SMTNL2: variants seen among roughly 807,000 people sequenced by gnomAD.
SMTNL2 encodes the protein smoothelin-like protein 2.
SMTNL2 carries 43 observed loss-of-function variants against 44.1 expected under a neutral mutation model. The ratio of observed to expected loss-of-function variants is 0.98; its 90% CI spans 0.76 to 1.26. The LOEUF is 1.26. Ranked by LOEUF, SMTNL2 falls within the 50% of genes most tolerant of loss-of-function variation. The pLI is 0.00. For missense variants in SMTNL2, 646 were observed against 670.2 expected (o/e 0.96, Z 0.40); for synonymous variants, 317 against 287.6 (o/e 1.10, Z -1.03).
At chr17:4,594,783 G>A (rs950206568) in intron 4 of SMTNL2, among the ~76,000 whole-genome samples, 1 of 151,992 alleles carries the variant, frequency 6.6e-6, no homozygotes. Flanking sequence ...AAACAAAGGG[G>A]GTCTTATCGC....
chr17:4,597,694 G>A (rs550151049), intron 7 of SMTNL2, among the ~76,000 whole-genome samples: 3 of 152,334 alleles, frequency 2.0e-5, no homozygotes, highest in South Asian at 2.1e-4. Flanking sequence ...GAGAGATGCC[G>A]TTGCTTGCAT....
chr17:4,606,080 GC>G (rs1205081812), intron 7 of SMTNL2, among the ~76,000 whole-genome samples: 1 of 152,118 alleles, frequency 6.6e-6, no homozygotes, highest in Non-Finnish European at 1.5e-5. Context: ...GAGGCAGAGG[GC>G]CCTGGGGGGC....
chr17:4,592,996 T>C lies in SMTNL2; in HGVS notation c.555T>C (p.Pro185=). 3.1e-6 allele frequency: 5 copies of C among 1,614,006 alleles called. No individual in the cohort carries two copies. Among genetic ancestry groups the C allele is most frequent in the Non-Finnish European group, 4.2e-6 (5 of 1,179,992 alleles). ...FSAPDPPRPR[P]VSLSLRLPHQ... ...CACCAGATCCCCCCAGGCCTCGTCC[T>C]GTGAGCCTCTCCTTGCGGCTGCCCC... Residue 185 remains proline, a synonymous_variant, in exon 3 of 8, where the codon CCT becomes CCC. Coordinates refer to ENST00000389313, the MANE Select transcript of SMTNL2 (RefSeq NM_001114974.2). This position sits in a 1 kb window ranked among gnomAD's most constrained non-coding sequence, Gnocchi z 4.5.
chr17:4,593,966 C>G, intron 4 of SMTNL2, 69 bp downstream of exon 4: 1 of 1,569,238 alleles, frequency 6.4e-7, no homozygotes, highest in Non-Finnish European at 8.8e-7. Flanking sequence ...GGACGCAGGC[C>G]GCCCAGGGTT....
rs746029642 is a variant in SMTNL2 at position 4,593,118 on chromosome 17, G to C, written c.677G>C (p.Gly226Ala). Residue 226 changes from glycine (G) to alanine (A), a missense_variant, in exon 3 of 8, where the codon GGC becomes GCC. Transcript: ENST00000389313. ...LSPMSAATLG[G>A]LNPSPSEVIT... Reference sequence around the variant, plus strand: ...CCCATGTCTGCTGCCACCCTGGGGGGCCTCAACCCAAGCCCCAGCGAGGTC... The same window carrying C: ...CCCATGTCTGCTGCCACCCTGGGGGCCCTCAACCCAAGCCCCAGCGAGGTC... 76 of 1,613,316 alleles carry C rather than the reference G, an allele frequency of 4.7e-5. No individual in the cohort carries two copies. Among genetic ancestry groups the C allele is most frequent in the Non-Finnish European group, 2.9e-5 (34 of 1,179,686 alleles).
intron 1 of SMTNL2, among the ~76,000 whole-genome samples, chr17:4,589,954 T>C (rs1203132176): frequency 6.9e-5 from 1 of 14,526 alleles, no homozygotes; most frequent in Non-Finnish European, 1.9e-4. Flanking sequence ...TTTTTTTTTT[T>C]TTTTTTTTTT....
At position 4,595,045 on chromosome 17, in the gene SMTNL2, A is replaced by G; in HGVS notation, c.807-100A>G. On this transcript the variant is annotated intron_variant, in intron 4 of 7. Coordinates refer to ENST00000389313, the MANE Select transcript of SMTNL2 (RefSeq NM_001114974.2). The surrounding 1 kb of genome is among the most constrained non-coding windows in gnomAD (Gnocchi z 5.1). ...CTTCTCTGAGCGCCCATCACGGTGC[A>G]GGCTGCCTTGTCCACACTCAGTGCA... The G allele has an allele frequency of 6.6e-7, 1 of 1,519,770 alleles. No homozygotes were observed. The highest frequency in any genetic ancestry group is 9.1e-7 in the Non-Finnish European group (1 of 1,103,322). 94.1% of individuals were successfully genotyped at this position (1,519,770 alleles called of 1,614,324 possible). A position where few individuals can be genotyped will look rare whatever the true frequency, so the allele number is the denominator to read the frequency against.
rs545509003 is a variant in SMTNL2, at chr17:4,606,027, T to C, written c.1260-1334T>C. Among the ~76,000 whole-genome samples the C allele has an allele frequency of 5.2e-4, 79 of 152,206 alleles. 1 individual carries two copies. The highest frequency in any genetic ancestry group is 3.0e-3 in the Admixed American group (46 of 15,298). Reference sequence around the variant, plus strand: ...AAAGGCCACAGTGTACACACGAGTCTAAACCAGTGAGCCAAAAGTGAAACC... The same window carrying C: ...AAAGGCCACAGTGTACACACGAGTCCAAACCAGTGAGCCAAAAGTGAAACC... On this transcript the variant is annotated intron_variant, in intron 7 of 7. Coordinates refer to ENST00000389313, the MANE Select transcript of SMTNL2 (RefSeq NM_001114974.2).
At chr17:4,599,064 C>T (rs1039456551) in intron 7 of SMTNL2, among the ~76,000 whole-genome samples, 11 of 152,162 alleles carry the variant, frequency 7.2e-5, no homozygotes, top group Non-Finnish European at 1.3e-4. Context: ...GATAGCTGCC[C>T]CTCTCTGGGG....
At chr17:4,597,404 C>T (rs573942851) in intron 7 of SMTNL2, 81 bp downstream of exon 7, 22 of 1,559,046 alleles carry the variant, frequency 1.4e-5, no homozygotes, top group South Asian at 2.4e-5. Flanking sequence ...GGCATGGGGG[C>T]GAGTGGGATG....
rs114244076 is a variant in SMTNL2, at chr17:4,595,837, C to G, written c.989+510C>G. ...AGCGACGGCTCCTCAGGCTCCAGCCCACCTTTGCATATTCAGCCAGTCCTC... is the reference window on the plus strand; with the variant it reads ...AGCGACGGCTCCTCAGGCTCCAGCCGACCTTTGCATATTCAGCCAGTCCTC... On this transcript the variant is annotated intron_variant, in intron 5 of 7. Coordinates refer to ENST00000389313, the MANE Select transcript of SMTNL2 (RefSeq NM_001114974.2). This position sits in a 1 kb window ranked among gnomAD's most constrained non-coding sequence, Gnocchi z 5.1. Among the ~76,000 whole-genome samples, 2,719 of 152,354 alleles carry G rather than the reference C, an allele frequency of 0.018. 78 individuals carry two copies. Among genetic ancestry groups the G allele is most frequent in the African/African-American group, 0.059 (2,434 of 41,580 alleles).
chr17:4,597,041 C>A (rs1481182915), intron 6 of SMTNL2, 64 bp downstream of exon 6: 68 of 1,486,886 alleles, frequency 4.6e-5, no homozygotes, highest in Non-Finnish European at 6.1e-5. Flanking sequence ...AAGCGTCGCC[C>A]CTGTCCTTGT....
rs2150520548 is a variant in SMTNL2 at position 4,592,050 on chromosome 17, G to T, written c.400-311G>T. Among the ~76,000 whole-genome samples the T allele has an allele frequency of 1.3e-5, 2 of 152,312 alleles. No homozygotes were observed. Among genetic ancestry groups the T allele is most frequent in the Middle Eastern group, 6.8e-3 (2 of 294 alleles). On this transcript the variant is annotated intron_variant, in intron 1 of 7. Coordinates refer to ENST00000389313, the MANE Select transcript of SMTNL2 (RefSeq NM_001114974.2). The surrounding 1 kb of genome is among the most constrained non-coding windows in gnomAD (Gnocchi z 4.5). ...CTGACCCCATCATCTGGTCCAGCCT[G>T]GGGGAAAAGGTGAGGGGGCCTAATG...
In SMTNL2 at chr17:4,593,025, A is replaced by G; in HGVS notation, c.584A>G (p.Gln195Arg). The change falls in exon 3 of 8, where the codon CAG becomes CGG. Residue 195 changes from glutamine (Q) to arginine (R), a missense_variant. Gln to Arg is a conservative substitution (Grantham distance 43, BLOSUM62 1). Transcript: ENST00000389313. Reference protein sequence around the residue: ...PVSLSLRLPHQPVTAITRVSD... With the variant: ...PVSLSLRLPHRPVTAITRVSD... ...AGCCTCTCCTTGCGGCTGCCCCACC[A>G]GCCAGTCACGGCCATCACCCGAGTC... The G allele has an allele frequency of 6.2e-7, 1 of 1,613,990 alleles. No individual in the cohort carries two copies.
intron 1 of SMTNL2, among the ~76,000 whole-genome samples, chr17:4,585,776 G>A (rs1383109320): frequency 6.6e-6 from 1 of 152,212 alleles, no homozygotes; most frequent in Admixed American, 6.5e-5. Context: ...ATGTGCTCTC[G>A]GGTTGGGTTC....
In SMTNL2 at chr17:4,597,279, C is replaced by A; in HGVS notation, c.1215C>A (p.Pro405=). The change falls in exon 7 of 8, where the codon CCC becomes CCA. Residue 405 remains proline (P), a synonymous_variant. Transcript: ENST00000389313. ...PDAFDYNSLS[P]TQRQKNFELA... Reference sequence around the variant, plus strand: ...CCTTTGACTACAACTCCCTGAGCCCCACGCAGAGGCAGAAGAACTTCGAGC... The same window carrying A: ...CCTTTGACTACAACTCCCTGAGCCCAACGCAGAGGCAGAAGAACTTCGAGC... 10 of 1,614,158 alleles carry A rather than the reference C, an allele frequency of 6.2e-6. No homozygotes were observed. The highest frequency in any genetic ancestry group is 8.5e-6 in the Non-Finnish European group (10 of 1,179,998).
Position 4,596,880 on chromosome 17 carries a change from C to A in SMTNL2, c.1010C>A (p.Ala337Asp). 9 of 1,498,744 alleles carry A rather than the reference C, an allele frequency of 6.0e-6. No homozygotes were observed. Among genetic ancestry groups the A allele is most frequent in the South Asian group, 1.2e-5 (1 of 80,084 alleles). The allele number at this position is 1,498,744 out of a possible 1,614,324, so 92.8% of individuals were successfully genotyped here. Residue 337 changes from alanine (A) to aspartate (D), a missense_variant, in exon 6 of 8, where the codon GCC (alanine) becomes GAC (aspartate). Coordinates refer to ENST00000389313, the MANE Select transcript of SMTNL2 (RefSeq NM_001114974.2). ...CGCAGGGGGAAAGGCGAGGCCCGGG[C>A]CAGGCTGAAGCGGTCGCAGAGCTTC... ...AAGKGKGEAR[A>D]RLKRSQSFGV...
intron 4 of SMTNL2, 151 bp downstream of exon 4, chr17:4,594,048 GA>G: frequency 1.4e-6 from 1 of 734,934 alleles, no homozygotes; most frequent in South Asian, 1.7e-5. Context: ...AGGATGGGGG[GA>G]AGGTCTGAGC....
At chr17:4,591,832 T>C (rs1909583822) in intron 1 of SMTNL2, among the ~76,000 whole-genome samples, 1 of 152,222 alleles carries the variant, frequency 6.6e-6, no homozygotes, top group Non-Finnish European at 1.5e-5. Flanking sequence ...CGCACGGAGC[T>C]GATCAGGCGC....
Sources: allele counts gnomAD v4.1 joint callset (sites outside exome capture counted in the v4.1 genomes callset), GRCh38; gene constraint gnomAD v4.1.1; non-coding constraint Gnocchi (gnomAD v3.1); transcripts MANE v1.5; gene names NCBI Gene and HGNC (gene_info 2026-07-23, HGNC 2026-07-21).